Variants in SLC35F4 observed in about 807,000 individuals in gnomAD.
The protein encoded by SLC35F4 is solute carrier family 35 member F4.
Under a neutral mutation model 44.2 loss-of-function variants are expected in SLC35F4, and 24 were observed. The ratio of observed to expected loss-of-function variants is 0.54; its 90% CI spans 0.39 to 0.76. SLC35F4 has a LOEUF of 0.76. SLC35F4 is among the 30% of genes least tolerant of loss of function. The probability of loss-of-function intolerance (pLI) is 0.00; values close to 1 mark genes in which losing one functional copy is unlikely to be tolerated. For synonymous variants in SLC35F4, 238 were observed against 223.6 expected, an observed-to-expected ratio of 1.06 and a Z score of -0.57; for missense variants, 562 against 586.1, an observed-to-expected ratio of 0.96 and a Z score of 0.42.
At chr14:57,716,291 T>G (rs1043463074) in intron 1 of SLC35F4, among the ~76,000 whole-genome samples, 5 of 106,994 alleles carry the variant, frequency 4.7e-5, no homozygotes, top group Non-Finnish European at 6.5e-5. Flanking sequence ...ATTTCTCATT[T>G]TCACTTTTTT....
intron 1 of SLC35F4, among the ~76,000 whole-genome samples, chr14:57,932,662 A>C (rs926525855): frequency 3.9e-5 from 6 of 152,170 alleles, no homozygotes; most frequent in Admixed American, 3.9e-4. Flanking sequence ...CAGCCAGGCC[A>C]ACATGGTGAA....
Position 57,617,452 on chromosome 14 carries a change from G to GA in SLC35F4, c.104-23329dup, listed in dbSNP as rs1055775404. Among the ~76,000 whole-genome samples the GA allele has an allele frequency of 1.8e-4, 27 of 149,766 alleles. 1 individual carries two copies. The highest frequency in any genetic ancestry group is 3.7e-4 in the African/African-American group (15 of 40,862). ...GCCTAACTGTAGTTATTCTTAAAAA[G>GA]AAAAAAAAATGACAGAGCTTCCTAA... On this transcript the variant is annotated intron_variant, in intron 1 of 7. Transcript: ENST00000556826.
intron 1 of SLC35F4, among the ~76,000 whole-genome samples, chr14:57,638,936 A>G (rs907885098): frequency 6.6e-6 from 1 of 151,916 alleles, no homozygotes; most frequent in African/African-American, 2.4e-5. Context: ...AGAGAGACCA[A>G]GTGTTCATTC....
chr14:57,969,513 T>C (rs767171026), intron 1 of SLC35F4, among the ~76,000 whole-genome samples: 31 of 152,190 alleles, frequency 2.0e-4, no homozygotes, highest in Non-Finnish European at 4.0e-4. Flanking sequence ...ACACTTGTCT[T>C]TACATTTCTG....
intron 1 of SLC35F4, among the ~76,000 whole-genome samples, chr14:57,776,691 T>TAAAAAAAAAAAAAAAAAA (rs2077498893): frequency 3.9e-5 from 5 of 126,594 alleles, no homozygotes; most frequent in Middle Eastern, 4.0e-3. Flanking sequence ...AAAAAAAAAT[T>TAAAAAAAAAAAAAAAAAA]AAAGGCAGCT....
At chr14:57,688,126 T>C (rs1330301241) in intron 1 of SLC35F4, among the ~76,000 whole-genome samples, 1 of 151,450 alleles carries the variant, frequency 6.6e-6, no homozygotes, top group Non-Finnish European at 1.5e-5. Context: ...ATTTCAAAAA[T>C]TGACCAGGAA....
intron 3 of SLC35F4, among the ~76,000 whole-genome samples, chr14:57,584,453 C>A (rs76975656): frequency 0.018 from 2,731 of 151,692 alleles, 56 homozygotes; most frequent in African/African-American, 0.046. Context: ...TCTGGAGTAA[C>A]TTCTTGGCAG....
intron 1 of SLC35F4, among the ~76,000 whole-genome samples, chr14:57,654,670 T>A (rs35253945): frequency 0.17 from 25,525 of 152,222 alleles, 2,926 homozygotes; most frequent in African/African-American, 0.33. Flanking sequence ...ACCTTCATAC[T>A]GTTTTCCATA....
chr14:57,779,905 G>A (rs114519938), intron 1 of SLC35F4, among the ~76,000 whole-genome samples: 47 of 152,014 alleles, frequency 3.1e-4, no homozygotes, highest in African/African-American at 6.5e-4. Flanking sequence ...AAAAACTCTC[G>A]ACAAACTAGG....
At chr14:57,780,051 C>G (rs530360852) in intron 1 of SLC35F4, among the ~76,000 whole-genome samples, 1 of 152,248 alleles carries the variant, frequency 6.6e-6, no homozygotes, top group South Asian at 2.1e-4. Flanking sequence ...TCTCACTACT[C>G]CTATTCAACA....
intron 1 of SLC35F4, among the ~76,000 whole-genome samples, chr14:57,671,302 C>G (rs1217445812): frequency 1.3e-5 from 2 of 152,068 alleles, no homozygotes; most frequent in East Asian, 3.9e-4. Flanking sequence ...CCCTTAACCT[C>G]AGAGTGCACA....
chr14:57,721,788 C>A (rs2076090668), intron 1 of SLC35F4, among the ~76,000 whole-genome samples: 1 of 152,150 alleles, frequency 6.6e-6, no homozygotes, highest in African/African-American at 2.4e-5. Flanking sequence ...GCTTCCCCAT[C>A]CCCAGTAGTG....
intron 1 of SLC35F4, among the ~76,000 whole-genome samples, chr14:57,707,976 C>T (rs2075720439): frequency 1.3e-5 from 2 of 152,148 alleles, no homozygotes; most frequent in Admixed American, 1.3e-4. Flanking sequence ...CAAAAATACC[C>T]CCTTATTTCC....
rs745406392 is a variant in SLC35F4, at chr14:57,569,831, A to T, written c.1083T>A (p.Ala361=). The part of the protein sequence containing the change: ...TKVEHWSSFA[A]LPWGCLCGMA... The stretch of plus-strand genomic sequence containing the variant: ...TCCCACAGAGACAGCCCCATGGCAG[A>T]GCAGCAAAAGAGGACCAGTGCTCCA... The change falls in exon 6 of 8, where the codon GCT becomes GCA. Residue 361 remains alanine (A), a synonymous_variant. Coordinates refer to ENST00000556826, the MANE Select transcript of SLC35F4 (RefSeq NM_001306087.2). 1 of 1,611,642 alleles carries T rather than the reference A, an allele frequency of 6.2e-7. No homozygotes were observed. The highest frequency in any genetic ancestry group is 1.1e-5 in the South Asian group (1 of 90,180).
intron 1 of SLC35F4, among the ~76,000 whole-genome samples, chr14:57,693,601 A>T (rs958734642): frequency 2.0e-5 from 3 of 152,250 alleles, no homozygotes; most frequent in African/African-American, 7.2e-5. Flanking sequence ...GTTAATCTAT[A>T]ATCTATAGAA....
At position 57,625,324 on chromosome 14, in the gene SLC35F4, A is replaced by G. The variant is rs2072418226; in HGVS notation, c.104-31200T>C. Among the ~76,000 whole-genome samples, 2 of 152,218 alleles carry G rather than the reference A, an allele frequency of 1.3e-5. 1 individual carries two copies. Among genetic ancestry groups the G allele is most frequent in the South Asian group, 4.1e-4 (2 of 4,828 alleles). On this transcript the variant is annotated intron_variant, in intron 1 of 7. Coordinates refer to ENST00000556826, the MANE Select transcript of SLC35F4 (RefSeq NM_001306087.2). ...AGAGGACACAAACAGATGGAAAAACATTCCATGCACATGGATAGGAAGAAT... is the reference window on the plus strand; with the variant it reads ...AGAGGACACAAACAGATGGAAAAACGTTCCATGCACATGGATAGGAAGAAT...
intron 1 of SLC35F4, among the ~76,000 whole-genome samples, chr14:57,613,164 G>A (rs2071609633): frequency 6.6e-6 from 1 of 152,184 alleles, no homozygotes; most frequent in South Asian, 2.1e-4. Context: ...GAAGCTGTCT[G>A]AGTTTCCTCC....
At chr14:57,891,311 C>T (rs7147593) in intron 1 of SLC35F4, among the ~76,000 whole-genome samples, 45,197 of 151,980 alleles carry the variant, frequency 0.3, 7,401 homozygotes, top group East Asian at 0.5. Flanking sequence ...TATGCAGTTA[C>T]AACACTGCAG....
chr14:57,861,973 T>C (rs1887717785), intron 1 of SLC35F4, among the ~76,000 whole-genome samples: 2 of 152,206 alleles, frequency 1.3e-5, no homozygotes, highest in South Asian at 4.1e-4. Context: ...CCTTAATTTA[T>C]ATCTCCAATC....
Sources: gnomAD v4.1 joint callset for allele counts (sites outside exome capture counted in the v4.1 genomes callset) on GRCh38, gnomAD v4.1.1 for gene constraint, MANE v1.5 for transcripts, NCBI Gene and HGNC (gene_info 2026-07-23, HGNC 2026-07-21) for gene names.